Variants in TMEM131 observed in about 807,000 individuals in gnomAD.
TMEM131 encodes 2610524E03Rik.
In TMEM131, 66 loss-of-function variants were observed where a neutral mutation model predicts 211.6. The observed-to-expected ratio is 0.31, with a 90% CI of 0.26 to 0.38. The LOEUF (loss-of-function observed/expected upper bound fraction) is 0.38. TMEM131 is among the 10% of genes least tolerant of loss of function. TMEM131 has a pLI of 1.00. For missense variants in TMEM131, 2,036 were observed against 2,299.3 expected (o/e 0.89, Z 2.34); for synonymous variants, 844 against 841.3 (o/e 1.00, Z -0.06).
At chr2:97,833,639 A>G (rs1682811075) in intron 10 of TMEM131, among the ~76,000 whole-genome samples, 1 of 142,758 alleles carries the variant, frequency 7.0e-6, no homozygotes, top group African/African-American at 2.7e-5. Flanking sequence ...ATTTTTGAAA[A>G]CCCCAAAATA....
chr2:97,917,214 C>T (rs1573553887), intron 2 of TMEM131, among the ~76,000 whole-genome samples: 1 of 152,210 alleles, frequency 6.6e-6, no homozygotes, highest in East Asian at 1.9e-4. Context: ...GCAGCTTTCA[C>T]ACTACGATGA....
intron 4 of TMEM131, among the ~76,000 whole-genome samples, chr2:97,866,972 G>A (rs1212563893): frequency 6.6e-6 from 1 of 152,194 alleles, no homozygotes; most frequent in Non-Finnish European, 1.5e-5. Flanking sequence ...TCTTCAATAA[G>A]CATTTCCTTT....
intron 1 of TMEM131, among the ~76,000 whole-genome samples, chr2:97,940,046 A>G (rs1677644747): frequency 6.6e-6 from 1 of 152,324 alleles, no homozygotes; most frequent in Non-Finnish European, 1.5e-5. Flanking sequence ...GCCATTTATG[A>G]CAAACCCACA....
At chr2:97,881,723 A>AAAGGGGGGGG (rs1491361818) in intron 4 of TMEM131, among the ~76,000 whole-genome samples, 2 of 65,556 alleles carry the variant, frequency 3.1e-5, no homozygotes, top group Non-Finnish European at 5.2e-5. Flanking sequence ...AAAAAAAAAA[A>AAAGGGGGGGG]GGGGGGGGGG....
intron 3 of TMEM131, 50 bp downstream of exon 3, chr2:97,908,608 C>G: frequency 7.2e-7 from 1 of 1,383,638 alleles, no homozygotes. Context: ...CCACAGGAAT[C>G]CCCCAGAAGG....
Position 97,891,785 on chromosome 2 carries a change from A to G in TMEM131, c.291-3665T>C, listed in dbSNP as rs1675384712. Among the ~76,000 whole-genome samples, 3 of 152,274 alleles carry G rather than the reference A, an allele frequency of 2.0e-5. No individual in the cohort carries two copies. In the South Asian group the frequency reaches 6.2e-4, roughly 32 times the overall value. ...ATTGTTTGTGATGTATTTGCATCATAAACACCTACAATGTTTGTGGAAATG... is the reference window on the plus strand; with the variant it reads ...ATTGTTTGTGATGTATTTGCATCATGAACACCTACAATGTTTGTGGAAATG... On this transcript the variant is annotated intron_variant, in intron 3 of 40. Coordinates refer to ENST00000186436, the MANE Select transcript of TMEM131 (RefSeq NM_015348.2).
In TMEM131 at chr2:97,856,157, T is replaced by C. The variant is rs4851636; in HGVS notation, c.483+3147A>G. On this transcript the variant is annotated intron_variant, in intron 5 of 40. Coordinates refer to ENST00000186436, the MANE Select transcript of TMEM131 (RefSeq NM_015348.2). Reference sequence around the variant, plus strand: ...ACAATTGGACTTGTATAGAATATTATTATAAAATTCTGTATTTTCTGATGC... The same window carrying C: ...ACAATTGGACTTGTATAGAATATTACTATAAAATTCTGTATTTTCTGATGC... 9.6e-3 allele frequency among the ~76,000 whole-genome samples: 1,456 copies of C among 152,298 alleles called. 102 individuals are homozygous for C. Among genetic ancestry groups the C allele is most frequent in the Admixed American group, 0.086 (1,309 of 15,300 alleles).
intron 31 of TMEM131, among the ~76,000 whole-genome samples, chr2:97,780,892 C>G (rs1486302995): frequency 6.6e-6 from 1 of 152,066 alleles, no homozygotes; most frequent in Non-Finnish European, 1.5e-5. Flanking sequence ...TTGAAGTGAC[C>G]AAGTGAGAAA....
intron 11 of TMEM131, among the ~76,000 whole-genome samples, chr2:97,828,027 A>G (rs1230558342): frequency 6.6e-6 from 1 of 152,230 alleles, no homozygotes; most frequent in Non-Finnish European, 1.5e-5. Context: ...ACTCTGTAAC[A>G]TCTTTGGTTG....
intron 2 of TMEM131, among the ~76,000 whole-genome samples, chr2:97,922,409 A>G (rs908611499): frequency 3.3e-5 from 5 of 152,202 alleles, no homozygotes; most frequent in African/African-American, 9.7e-5. Context: ...TTGAACACAT[A>G]TATTATGTTC....
chr2:97,785,221 A>C (rs1451864462), intron 31 of TMEM131, among the ~76,000 whole-genome samples: 1 of 152,228 alleles, frequency 6.6e-6, no homozygotes, highest in Non-Finnish European at 1.5e-5. Context: ...TAAAAGGATA[A>C]AAAGACACAC....
At chr2:97,952,090 G>A (rs896218990) in intron 1 of TMEM131, among the ~76,000 whole-genome samples, 1 of 151,872 alleles carries the variant, frequency 6.6e-6, no homozygotes, top group African/African-American at 2.4e-5. Flanking sequence ...CCGGGAGGCG[G>A]AGGGTGCAGT....
chr2:97,795,323 C>T (rs1680708807), intron 28 of TMEM131, among the ~76,000 whole-genome samples: 1 of 152,160 alleles, frequency 6.6e-6, no homozygotes, highest in South Asian at 2.1e-4. Context: ...AGAGAAATTA[C>T]ACTAAAAAAT....
intron 32 of TMEM131, 80 bp from the exon 33 acceptor site, chr2:97,772,504 A>C (rs929934854): frequency 3.3e-5 from 48 of 1,455,146 alleles, no homozygotes; most frequent in Non-Finnish European, 4.2e-5. Context: ...TACAGACACA[A>C]AATCAAAGAT....
intron 4 of TMEM131, among the ~76,000 whole-genome samples, chr2:97,866,103 C>T (rs1471105344): frequency 2.0e-5 from 3 of 152,164 alleles, no homozygotes; most frequent in African/African-American, 2.4e-5. Flanking sequence ...AGGATGGTCT[C>T]GATCTCCTGA....
At chr2:97,945,473 T>C (rs1677991023) in intron 1 of TMEM131, among the ~76,000 whole-genome samples, 1 of 152,168 alleles carries the variant, frequency 6.6e-6, no homozygotes, top group African/African-American at 2.4e-5. Context: ...CTCAATATTT[T>C]AAAAGTCAAC....
rs1308396639 is a variant in TMEM131, at chr2:97,995,571, C to T, written c.92G>A (p.Arg31His). The T allele has an allele frequency of 1.3e-5, 17 of 1,304,090 alleles. No individual in the cohort carries two copies. The highest frequency in any genetic ancestry group is 1.6e-5 in the Non-Finnish European group (16 of 1,026,968). The allele number at this position is 1,304,090 out of a possible 1,614,324, so 80.8% of individuals were successfully genotyped here. ...AGAGLEPAAA[R>H]SGGPRSAAAG... The stretch of plus-strand genomic sequence containing the variant: ...GGCCGCGCTCCGCGGGCCCCCGCTA[C>T]GGGCGGCCGCAGGTTCCAGCCCGGC... The change falls in exon 1 of 41, where the codon CGT (arginine) becomes CAT (histidine). Residue 31 changes from arginine to histidine, a missense_variant. This residue lies in a region of TMEM131 where 136 missense variants were observed against 115.4 expected (regional missense o/e 1.18). Coordinates refer to ENST00000186436, the MANE Select transcript of TMEM131 (RefSeq NM_015348.2).
At chr2:97,880,776 G>A (rs184913629) in intron 4 of TMEM131, among the ~76,000 whole-genome samples, 2 of 152,270 alleles carry the variant, frequency 1.3e-5, no homozygotes, top group East Asian at 3.9e-4. Flanking sequence ...AGAAAGCGCA[G>A]AGTTGGTTGA....
intron 31 of TMEM131, among the ~76,000 whole-genome samples, chr2:97,778,562 A>G (rs1250579273): frequency 6.6e-6 from 1 of 152,178 alleles, no homozygotes; most frequent in Admixed American, 6.5e-5. Flanking sequence ...AAAAAAAAAA[A>G]AAATTATTGC....
Sources: allele counts gnomAD v4.1 joint callset (sites outside exome capture counted in the v4.1 genomes callset), GRCh38; gene constraint gnomAD v4.1.1; regional missense constraint gnomAD v4.1.1; transcripts MANE v1.5; gene names NCBI Gene and HGNC (gene_info 2026-07-23, HGNC 2026-07-21).